The following FMO2 variants were observed in gnomAD, a reference collection of about 807,000 sequenced individuals.
The protein encoded by FMO2 is flavin containing dimethylaniline monoxygenase 2.
In FMO2, 33 loss-of-function variants were observed where a neutral mutation model predicts 41.6. The ratio of observed to expected loss-of-function variants is 0.79; its 90% confidence interval spans 0.60 to 1.06. The LOEUF is 1.06. Among genes scored for constraint, FMO2 ranks in the 50% least tolerant of loss-of-function variants. The pLI is 0.00. For missense variants in FMO2, 619 were observed against 632.9 expected (o/e 0.98, Z 0.23); for synonymous variants, 214 against 219.6 (o/e 0.97, Z 0.23).
intron 5 of FMO2, among the ~76,000 whole-genome samples, chr1:171,201,354 C>T (rs150931330): frequency 6.6e-6 from 1 of 152,220 alleles, no homozygotes; most frequent in East Asian, 1.9e-4. Flanking sequence ...ACTCATTCAT[C>T]TGCACTAATC....
chr1:171,210,093 C>T lies in FMO2; in HGVS notation c.*948C>T, dbSNP rs937635217. ...TACTAACAGTTTATCTTATTTATAC[C>T]CATACATCTGCTACTTTGGGAGGCC... On this transcript the variant is annotated 3_prime_UTR_variant, in exon 9 of 9. Coordinates refer to ENST00000209929, the MANE Select transcript of FMO2 (RefSeq NM_001460.5). 2 of 151,926 alleles carry T rather than the reference C, an allele frequency of 1.3e-5. No individual in the cohort carries two copies. The highest frequency in any genetic ancestry group is 2.9e-5 in the Non-Finnish European group (2 of 67,950). The allele number at this position is 151,926 out of a possible 1,614,324, so 9.4% of individuals were successfully genotyped here.
chr1:171,195,894 A>C (rs1259484348), intron 3 of FMO2, among the ~76,000 whole-genome samples: 1 of 152,224 alleles, frequency 6.6e-6, no homozygotes, highest in Admixed American at 6.5e-5. Context: ...CAAATGTTAA[A>C]AACTATCATT....
Position 171,196,658 on chromosome 1 carries a change from C to T in FMO2, c.331C>T (p.Leu111Phe). The T allele has an allele frequency of 6.2e-7, 1 of 1,609,156 alleles. No homozygotes were observed. Among genetic ancestry groups the T allele is most frequent in the South Asian group, 1.1e-5 (1 of 90,946 alleles). Residue 111 changes from leucine (L) to phenylalanine (F), a missense_variant, in exon 4 of 9, where the codon CTT (leucine) becomes TTT (phenylalanine). Transcript: ENST00000209929. ...TCTGTGTTTCTTCAAGACAACTGTC[C>T]TTAGTGTGAGAAAATGTCCAGATTT... is the stretch of plus-strand genomic sequence containing the variant. The part of the protein sequence containing the change: ...LKYIQFQTTV[L>F]SVRKCPDFSS...
chr1:171,210,812 CA>C lies in FMO2; in HGVS notation c.*1668del, dbSNP rs1658949963. The C allele has an allele frequency of 1.3e-5, 1 of 78,866 alleles. No homozygotes were observed. The highest frequency in any genetic ancestry group is 6.8e-5 in the African/African-American group (1 of 14,760). 4.9% of individuals were successfully genotyped at this position (78,866 alleles called of 1,614,324 possible). On this transcript the variant is annotated 3_prime_UTR_variant, in exon 9 of 9. Coordinates refer to ENST00000209929, the MANE Select transcript of FMO2 (RefSeq NM_001460.5). ...AAATTCAATTAAGGTACTTCTCCCT[CA>C]GGGACGTAGAACAATGGAATGTCAG...
intron 1 of FMO2, 65 bp downstream of exon 1, chr1:171,185,424 G>A (rs1657802870): frequency 4.6e-6 from 1 of 217,322 alleles, no homozygotes; most frequent in Non-Finnish European, 9.1e-6. Context: ...TGGAAATTTG[G>A]CTCACATCCC....
At chr1:171,195,184 T>C (rs1382024421) in intron 3 of FMO2, among the ~76,000 whole-genome samples, 2 of 152,184 alleles carry the variant, frequency 1.3e-5, no homozygotes, top group Admixed American at 6.5e-5. Context: ...AAGGTTTCTG[T>C]TTATTGGTCT....
intron 5 of FMO2, among the ~76,000 whole-genome samples, chr1:171,200,599 G>C (rs1043258497): frequency 6.6e-6 from 1 of 152,160 alleles, no homozygotes; most frequent in African/African-American, 2.4e-5. Context: ...CACCCGCCCA[G>C]CAGGTTAATG....
chr1:171,190,338 A>G (rs1287928280), intron 2 of FMO2, among the ~76,000 whole-genome samples: 1 of 152,234 alleles, frequency 6.6e-6, no homozygotes, highest in Non-Finnish European at 1.5e-5. Context: ...ATTCTATATT[A>G]GAAGAATTCT....
In FMO2 at chr1:171,207,801, T is replaced by C; in HGVS notation, c.1256+11T>C. 1 of 1,504,480 alleles carries C rather than the reference T, an allele frequency of 6.6e-7. No individual in the cohort carries two copies. The allele number at this position is 1,504,480 out of a possible 1,614,324, so 93.2% of individuals were successfully genotyped here. On this transcript the variant is annotated intron_variant, in intron 8 of 8. Transcript: ENST00000209929. Reference sequence around the variant, plus strand: ...AAAAAGAATTGACCTGTAAGAATTTTTTTTAATTCTTTACATGAAGCAGTG... The same window carrying C: ...AAAAAGAATTGACCTGTAAGAATTTCTTTTAATTCTTTACATGAAGCAGTG...
chr1:171,199,445 C>G lies in FMO2; in HGVS notation c.584C>G (p.Ser195Ter), dbSNP rs2020862. 26 of 1,611,854 alleles carry G rather than the reference C, an allele frequency of 1.6e-5. No individual in the cohort carries two copies. The highest frequency in any genetic ancestry group is 2.0e-5 in the Non-Finnish European group (23 of 1,179,138). ...ATCCTGGTGATTGGAATGGGAAACT[C>G]AGGCTCAGATATTGCTGTTGAGCTG... ...KRILVIGMGN[S>*]GSDIAVELSK... The change falls in exon 5 of 9, where the codon TCA (serine) becomes TGA (stop). Residue 195 changes from serine (S) to a stop codon, truncating the protein, a stop_gained. Transcript: ENST00000209929. LOFTEE classifies it high-confidence loss of function.
chr1:171,190,281 G>A (rs28369824), intron 2 of FMO2, among the ~76,000 whole-genome samples: 8 of 152,044 alleles, frequency 5.3e-5, no homozygotes, highest in African/African-American at 1.9e-4. Context: ...CTAAATAAGT[G>A]CTATCTGAAT....
Position 171,204,059 on chromosome 1 carries a change from A to G in FMO2, c.822A>G (p.Gln274=), listed in dbSNP as rs79687545. ...FNHENYGLEP[Q]NKYIMKEPVL... The stretch of plus-strand genomic sequence containing the variant: ...ATGAAAATTATGGCCTTGAGCCTCA[A>G]AACAAGTAGAGTTATTTTGCTTTTT... The change falls in exon 6 of 9, where the codon CAA becomes CAG. Residue 274 remains glutamine (Q), a synonymous_variant. Transcript: ENST00000209929. 1 of 1,612,888 alleles carries G rather than the reference A, an allele frequency of 6.2e-7. No individual in the cohort carries two copies. The highest frequency in any genetic ancestry group is 1.7e-5 in the Admixed American group (1 of 59,938).
At chr1:171,205,943 A>T (rs1658743655) in intron 7 of FMO2, among the ~76,000 whole-genome samples, 1 of 152,176 alleles carries the variant, frequency 6.6e-6, no homozygotes, top group Non-Finnish European at 1.5e-5. Context: ...TAAGAAAAAG[A>T]TCTGTCTCCT....
At chr1:171,187,255 T>C (rs984436120) in intron 2 of FMO2, among the ~76,000 whole-genome samples, 13 of 152,332 alleles carry the variant, frequency 8.5e-5, no homozygotes, top group African/African-American at 3.1e-4. Context: ...CAGGTATCCC[T>C]GAGATATTAA....
chr1:171,200,324 G>C (rs958024510), intron 5 of FMO2, among the ~76,000 whole-genome samples: 1 of 152,130 alleles, frequency 6.6e-6, no homozygotes, highest in Non-Finnish European at 1.5e-5. Flanking sequence ...GTGGTGGTCA[G>C]GAATAGCAAA....
chr1:171,190,151 A>G (rs7540349), intron 2 of FMO2, among the ~76,000 whole-genome samples: 53,381 of 151,962 alleles, frequency 0.35, 10,311 homozygotes, highest in East Asian at 0.55. Context: ...AAATTTCCTC[A>G]CTTGAGTAGA....
intron 2 of FMO2, among the ~76,000 whole-genome samples, chr1:171,189,646 T>C (rs958265205): frequency 3.0e-5 from 4 of 132,410 alleles, no homozygotes; most frequent in African/African-American, 1.3e-4. Flanking sequence ...TCTGAGCCCG[T>C]CTTTTTTCTT....
At chr1:171,203,360 A>C (rs761456743) in intron 5 of FMO2, among the ~76,000 whole-genome samples, 1 of 132,482 alleles carries the variant, frequency 7.5e-6, no homozygotes, top group East Asian at 2.2e-4. Flanking sequence ...CACACACACA[A>C]AATAAAGTCT....
chr1:171,201,972 G>T (rs1451536495), intron 5 of FMO2, among the ~76,000 whole-genome samples: 1 of 152,106 alleles, frequency 6.6e-6, no homozygotes, highest in African/African-American at 2.4e-5. Flanking sequence ...ATAATTTAAG[G>T]TGAGATGTGG....
Sources: allele counts gnomAD v4.1 joint callset (sites outside exome capture counted in the v4.1 genomes callset), GRCh38; gene constraint gnomAD v4.1.1; transcripts MANE v1.5; gene names NCBI Gene and HGNC (gene_info 2026-07-23, HGNC 2026-07-21).